Variants in ABR observed in about 807,000 individuals in gnomAD.
ABR encodes active breakpoint cluster region-related protein.
In ABR, 35 loss-of-function variants were observed where a neutral mutation model predicts 107.2. The observed-to-expected ratio is 0.33, with a 90% CI of 0.25 to 0.43. The LOEUF (loss-of-function observed/expected upper bound fraction) is 0.43, where lower values mean the gene tolerates loss of function less well. Among genes scored for constraint, ABR ranks in the 20% least tolerant of loss-of-function variants. The pLI is 1.00. For synonymous variants in ABR, 498 were observed against 462.0 expected (o/e 1.08, Z -1.00); for missense variants, 815 against 1,115.2 (o/e 0.73, Z 3.83).
At chr17:1,144,451 G>A (rs1173927393) in intron 1 of ABR, among the ~76,000 whole-genome samples, 1 of 152,092 alleles carries the variant, frequency 6.6e-6, no homozygotes, top group African/African-American at 2.4e-5. Flanking sequence ...TAATCTCTAG[G>A]TGCCGCCACT....
Position 1,037,554 on chromosome 17 carries a change from A to G in ABR, c.1791+12496T>C, listed in dbSNP as rs1442408400. ...AAAATGCACTTGAGCCTTTGGGAAC[A>G]TCTTGCTTATCTAGAACAAAACTCA... On this transcript the variant is annotated intron_variant, in intron 16 of 22. Transcript: ENST00000302538. This position sits in a 1 kb window ranked among gnomAD's most constrained non-coding sequence, Gnocchi z 4.6. 6.6e-6 allele frequency among the ~76,000 whole-genome samples: 1 copy of G among 152,202 alleles called. No homozygotes were observed. Among genetic ancestry groups the G allele is most frequent in the African/African-American group, 2.4e-5 (1 of 41,460 alleles).
At chr17:1,013,882 T>C (rs2070882097) in intron 16 of ABR, among the ~76,000 whole-genome samples, 1 of 152,238 alleles carries the variant, frequency 6.6e-6, no homozygotes, top group Non-Finnish European at 1.5e-5. Flanking sequence ...CACACAGGAC[T>C]GTTCCACGTT....
chr17:1,155,764 G>C (rs1330856306), intron 1 of ABR, among the ~76,000 whole-genome samples: 2 of 151,944 alleles, frequency 1.3e-5, no homozygotes, highest in African/African-American at 4.8e-5. Context: ...AGGAGTTTGA[G>C]ACCAGCCTAA....
At chr17:1,178,664 A>G (rs901098629) in intron 1 of ABR, among the ~76,000 whole-genome samples, 4 of 151,620 alleles carry the variant, frequency 2.6e-5, no homozygotes, top group Admixed American at 1.3e-4. Context: ...GCCTCCCCCA[A>G]CTCCTGCCTG....
intron 1 of ABR, chr17:1,156,129 T>G (rs2041031669): frequency 6.6e-6 from 1 of 151,326 alleles, no homozygotes; most frequent in Non-Finnish European, 1.5e-5. Context: ...GGGACCCAAA[T>G]TCAGACACCC....
chr17:1,203,852 C>T (rs1307784691), intron 1 of ABR, among the ~76,000 whole-genome samples: 1 of 152,176 alleles, frequency 6.6e-6, no homozygotes, highest in Non-Finnish European at 1.5e-5. Context: ...GTGTGTCCCG[C>T]CAGGACGTTC....
At chr17:1,105,026 T>C in intron 2 of ABR, among the ~76,000 whole-genome samples, 1 of 146,670 alleles carries the variant, frequency 6.8e-6, no homozygotes, top group East Asian at 2.0e-4. Flanking sequence ...TTTTTTTTTT[T>C]GAGACAGAGT....
In ABR at chr17:1,092,447, C is replaced by A. The variant is rs1160299019; in HGVS notation, c.346-597G>T. Among the ~76,000 whole-genome samples the A allele has an allele frequency of 6.6e-6, 1 of 152,182 alleles. No homozygotes were observed. Among genetic ancestry groups the A allele is most frequent in the East Asian group, 1.9e-4 (1 of 5,180 alleles). On this transcript the variant is annotated intron_variant, in intron 3 of 22. Transcript: ENST00000302538. This position sits in a 1 kb window ranked among gnomAD's most constrained non-coding sequence, Gnocchi z 4.6. ...TAAGCGACCGTGATGGTCCTTCCCA[C>A]TGCGCATGGCAGGGGTCTCCAGTCT...
chr17:1,213,512 C>G (rs1410015089), intron 1 of ABR, among the ~76,000 whole-genome samples: 4 of 152,142 alleles, frequency 2.6e-5, no homozygotes, highest in African/African-American at 9.7e-5. Flanking sequence ...GCCTCAGCCT[C>G]CTGAGTAGCT....
At chr17:1,142,050 G>A (rs562790375) in intron 1 of ABR, among the ~76,000 whole-genome samples, 17 of 151,974 alleles carry the variant, frequency 1.1e-4, no homozygotes, top group African/African-American at 2.4e-4. Context: ...GAGCCACTGC[G>A]CCCGGCCAGT....
chr17:1,164,266 A>C (rs376658438), intron 1 of ABR, among the ~76,000 whole-genome samples: 59 of 128,062 alleles, frequency 4.6e-4, no homozygotes, highest in African/African-American at 2.0e-3. Context: ...GGACCCTGGC[A>C]AAGTGTCACA....
At chr17:1,064,316 C>T (rs77136280) in intron 10 of ABR, among the ~76,000 whole-genome samples, 62 of 41,930 alleles carry the variant, frequency 1.5e-3, no homozygotes, top group Admixed American at 3.1e-3. Flanking sequence ...CATGTTCCTC[C>T]AGACGCTGTT....
intron 1 of ABR, among the ~76,000 whole-genome samples, chr17:1,219,070 T>C (rs1046213903): frequency 6.6e-6 from 1 of 151,032 alleles, no homozygotes; most frequent in Non-Finnish European, 1.5e-5. Flanking sequence ...TGTAACAGAG[T>C]CTCACTCTGT....
At chr17:1,130,744 A>G (rs2039788123) in intron 1 of ABR, among the ~76,000 whole-genome samples, 1 of 152,184 alleles carries the variant, frequency 6.6e-6, no homozygotes, top group African/African-American at 2.4e-5. Context: ...CCTAAATCCA[A>G]TGCTGTGTCC....
chr17:1,057,653 GTGTATGTGTGTGTGTGTGT>G (rs2033477295), intron 12 of ABR, among the ~76,000 whole-genome samples: 1 of 10,338 alleles, frequency 9.7e-5, no homozygotes. Context: ...CTGTGTATGT[GTGTATGTGTGTGTGTGTGT>G]GTGTGTGTGT....
At chr17:1,079,227 A>G (rs2036010628) in intron 6 of ABR, 103 bp downstream of exon 6, 2 of 1,520,142 alleles carry the variant, frequency 1.3e-6, no homozygotes, top group South Asian at 2.4e-5. Context: ...ACGCGCTCAC[A>G]CACACGCACA....
intron 1 of ABR, among the ~76,000 whole-genome samples, chr17:1,142,003 C>G (rs1056819447): frequency 1.3e-5 from 2 of 152,004 alleles, no homozygotes; most frequent in Non-Finnish European, 2.9e-5. Context: ...GGTGATCCAC[C>G]TGCCTCGGCC....
Position 1,051,155 on chromosome 17 carries a change from G to A in ABR, c.1562-521C>T, listed in dbSNP as rs185209970. Among the ~76,000 whole-genome samples, 6 of 152,200 alleles carry A rather than the reference G, an allele frequency of 3.9e-5. No homozygotes were observed. The highest frequency in any genetic ancestry group is 4.1e-4 in the South Asian group (2 of 4,820). ...GAATGCTCGGAGCATCCCCTGCCGC[G>A]GTGACGACCAACAACGCCCACATCC... On this transcript the variant is annotated intron_variant, in intron 14 of 22. Transcript: ENST00000302538. The surrounding 1 kb of genome is among the most constrained non-coding windows in gnomAD (Gnocchi z 4.3).
At chr17:1,040,135 T>A (rs2248096) in intron 16 of ABR, among the ~76,000 whole-genome samples, 1 of 151,858 alleles carries the variant, frequency 6.6e-6, no homozygotes, top group Admixed American at 6.5e-5. Flanking sequence ...CCAGTACCAC[T>A]ATGAAGAACG....
Sources: allele counts gnomAD v4.1 joint callset (sites outside exome capture counted in the v4.1 genomes callset), GRCh38; gene constraint gnomAD v4.1.1; non-coding constraint Gnocchi (gnomAD v3.1); transcripts MANE v1.5; gene names NCBI Gene and HGNC (gene_info 2026-07-23, HGNC 2026-07-21).